SV2C: variants seen among roughly 807,000 people sequenced by gnomAD.
SV2C encodes synaptic vesicle glycoprotein 2C.
Under a neutral mutation model 79.7 loss-of-function variants are expected in SV2C, and 49 were observed. The ratio of observed to expected loss-of-function variants is 0.61; its 90% CI spans 0.49 to 0.78. The LOEUF is 0.78. SV2C is among the 30% of genes least tolerant of loss of function. The pLI, the probability that SV2C is intolerant of heterozygous loss-of-function variation, is 0.00. For synonymous variants in SV2C, 334 were observed against 333.2 expected, an observed-to-expected ratio of 1.00 and a Z score of -0.03; for missense variants, 833 against 912.9, an observed-to-expected ratio of 0.91 and a Z score of 1.13.
chr5:76,040,905 G>C, the SV2C span, among the ~76,000 whole-genome samples: 1 of 152,184 alleles, frequency 6.6e-6, no homozygotes, highest in African/African-American at 2.4e-5. Flanking sequence ...AGCGGAAGTT[G>C]CAGTATCATA....
At chr5:75,983,853 G>A in the SV2C span, among the ~76,000 whole-genome samples, 1 of 152,220 alleles carries the variant, frequency 6.6e-6, no homozygotes, top group African/African-American at 2.4e-5. Context: ...GGACTGAAAA[G>A]CACTTGTCCT....
intron 2 of SV2C, among the ~76,000 whole-genome samples, chr5:76,139,853 A>C (rs1749194588): frequency 1.4e-5 from 1 of 70,386 alleles, no homozygotes; most frequent in Non-Finnish European, 4.2e-5. Context: ...AGCTCTTGAA[A>C]GTATTTTTTT....
the SV2C span, among the ~76,000 whole-genome samples, chr5:75,924,539 T>G: frequency 6.6e-6 from 1 of 152,328 alleles, no homozygotes; most frequent in Middle Eastern, 3.4e-3. Flanking sequence ...GTCAAGCCCA[T>G]GCCATTGACT....
intron 10 of SV2C, among the ~76,000 whole-genome samples, chr5:76,300,156 AATTATTATTATT>A (rs142593511): frequency 2.1e-5 from 3 of 139,686 alleles, no homozygotes; most frequent in South Asian, 2.4e-4. Context: ...TCAAATAAAA[AATTATTATTATT>A]ATTATTATTA....
At chr5:75,882,110 G>A in the SV2C span, among the ~76,000 whole-genome samples, 83 of 150,100 alleles carry the variant, frequency 5.5e-4, 1 homozygote, top group African/African-American at 1.9e-3. Flanking sequence ...TTATTGATTT[G>A]CATATATTGA....
rs535480209 is a variant in SV2C at position 76,125,134 on chromosome 5, C to T, written c.-101-6516C>T. On this transcript the variant is annotated intron_variant, in intron 1 of 12. Transcript: ENST00000502798. ...TGTGTCAAAATTGCATAAAAATGAA[C>T]GTTAATATACTTAAAATTAAAATTT... 2.7e-4 allele frequency among the ~76,000 whole-genome samples: 41 copies of T among 152,190 alleles called. 1 individual carries two copies. Among genetic ancestry groups the T allele is most frequent in the African/African-American group, 6.0e-4 (25 of 41,520 alleles).
the SV2C span, among the ~76,000 whole-genome samples, chr5:76,020,928 G>A: frequency 1.3e-5 from 2 of 152,194 alleles, no homozygotes; most frequent in Non-Finnish European, 2.9e-5. Context: ...TTTTACTGAA[G>A]TCACCAAACA....
At chr5:75,902,282 G>T in the SV2C span, among the ~76,000 whole-genome samples, 2 of 152,164 alleles carry the variant, frequency 1.3e-5, no homozygotes, top group African/African-American at 2.4e-5. Flanking sequence ...AGTAATCTGG[G>T]TCTTCTTTCT....
intron 2 of SV2C, among the ~76,000 whole-genome samples, chr5:76,138,182 G>A (rs1417176059): frequency 6.6e-6 from 1 of 152,210 alleles, no homozygotes; most frequent in Non-Finnish European, 1.5e-5. Flanking sequence ...TTTTAAAGAT[G>A]AAGATAGGAG....
At chr5:76,338,743 C>T (rs571141438), downstream of SV2C, among the ~76,000 whole-genome samples, 44 of 151,458 alleles carry the variant, frequency 2.9e-4, no homozygotes, top group African/African-American at 1.0e-3. Flanking sequence ...CTGCAACCTC[C>T]ACCTCCTGGG....
chr5:75,939,193 G>T, the SV2C span, among the ~76,000 whole-genome samples: 11 of 152,106 alleles, frequency 7.2e-5, no homozygotes, highest in Non-Finnish European at 1.2e-4. Flanking sequence ...TGCTTGGGCT[G>T]CTGTAACAAC....
chr5:75,948,737 T>C, the SV2C span, among the ~76,000 whole-genome samples: 6 of 151,936 alleles, frequency 3.9e-5, no homozygotes, highest in Admixed American at 2.0e-4. Flanking sequence ...GTATGCGTGG[T>C]ATGTTCCAGG....
the SV2C span, among the ~76,000 whole-genome samples, chr5:75,956,496 T>C: frequency 6.6e-6 from 1 of 151,772 alleles, no homozygotes; most frequent in East Asian, 1.9e-4. Flanking sequence ...TGTATACATA[T>C]GTAACTAACC....
chr5:76,276,637 T>C (rs1399926411), intron 4 of SV2C, among the ~76,000 whole-genome samples: 1 of 146,848 alleles, frequency 6.8e-6, no homozygotes, highest in Non-Finnish European at 1.5e-5. Flanking sequence ...CTTTTCTTTT[T>C]CTTTTTTTTT....
At chr5:76,164,839 A>C (rs1035736264) in intron 2 of SV2C, among the ~76,000 whole-genome samples, 1 of 151,944 alleles carries the variant, frequency 6.6e-6, no homozygotes, top group Non-Finnish European at 1.5e-5. Flanking sequence ...AAATCCACAG[A>C]TGCTCAAGTC....
At chr5:75,896,981 T>C in the SV2C span, among the ~76,000 whole-genome samples, 1 of 144,724 alleles carries the variant, frequency 6.9e-6, no homozygotes, top group Non-Finnish European at 1.5e-5. Flanking sequence ...TTTTGTCAGA[T>C]GAGTAGGTTG....
At chr5:76,290,410 C>T (rs1020809824) in intron 6 of SV2C, among the ~76,000 whole-genome samples, 3 of 152,170 alleles carry the variant, frequency 2.0e-5, no homozygotes, top group Non-Finnish European at 4.4e-5. Flanking sequence ...GTACACATTT[C>T]CATGTCCTCT....
intron 2 of SV2C, among the ~76,000 whole-genome samples, chr5:76,182,186 C>T (rs1274456038): frequency 6.6e-6 from 1 of 152,156 alleles, no homozygotes; most frequent in African/African-American, 2.4e-5. Context: ...GTTGCCTGCT[C>T]TGCCCTATCC....
intron 4 of SV2C, among the ~76,000 whole-genome samples, chr5:76,253,723 A>AAT (rs1257660740): frequency 6.6e-6 from 1 of 151,710 alleles, no homozygotes; most frequent in East Asian, 1.9e-4. Flanking sequence ...AAAAAAAAAA[A>AAT]AAATCTCACC....
Sources: gnomAD v4.1 joint callset for allele counts (sites outside exome capture counted in the v4.1 genomes callset) on GRCh38, gnomAD v4.1.1 for gene constraint, MANE v1.5 for transcripts, NCBI Gene and HGNC (gene_info 2026-07-23, HGNC 2026-07-21) for gene names.